CTNNA3: variants seen among roughly 807,000 people sequenced by gnomAD.
The protein encoded by CTNNA3 is catenin alpha 3, also known as catenin alpha-3.
Under a neutral mutation model 95.7 loss-of-function variants are expected in CTNNA3, and 76 were observed. The ratio of observed to expected loss-of-function variants is 0.79; its 90% CI spans 0.66 to 0.96. The LOEUF (loss-of-function observed/expected upper bound fraction) is 0.96. Ranked by LOEUF, CTNNA3 falls within the 40% of genes least tolerant of loss-of-function variation. CTNNA3 has a pLI of 0.00. For missense variants in CTNNA3, 1,191 were observed against 1,089.8 expected (o/e 1.09, Z -1.31); for synonymous variants, 431 against 374.4 (o/e 1.15, Z -1.74).
intron 12 of CTNNA3, among the ~76,000 whole-genome samples, chr10:66,361,832 C>T (rs2092678475): frequency 6.6e-6 from 1 of 152,054 alleles, no homozygotes; most frequent in South Asian, 2.1e-4. Flanking sequence ...GCCACCATGC[C>T]CAACCTAACC....
chr10:66,729,948 C>CA (rs993825751), intron 9 of CTNNA3, among the ~76,000 whole-genome samples: 13 of 149,674 alleles, frequency 8.7e-5, no homozygotes, highest in African/African-American at 2.0e-4. Flanking sequence ...ACTAAAAATA[C>CA]AAAAAAAATT....
Position 66,368,940 on chromosome 10 carries a change from G to A in CTNNA3, c.1732+10212C>T, listed in dbSNP as rs193178994. On this transcript the variant is annotated intron_variant, in intron 12 of 17. Coordinates refer to ENST00000433211, the MANE Select transcript of CTNNA3 (RefSeq NM_013266.4). ...ATATCTGGAATCTTAAAGAAATACT[G>A]CCAGCAGTGTTTATAATAAATGATA... Among the ~76,000 whole-genome samples the A allele has an allele frequency of 2.5e-3, 385 of 152,124 alleles. 1 individual carries two copies. Among genetic ancestry groups the A allele is most frequent in the African/African-American group, 8.8e-3 (366 of 41,518 alleles).
At chr10:67,131,333 C>A (rs1161302689) in intron 7 of CTNNA3, among the ~76,000 whole-genome samples, 1 of 151,918 alleles carries the variant, frequency 6.6e-6, no homozygotes, top group African/African-American at 2.4e-5. Context: ...AAAATGGAGA[C>A]AATAATAGCA....
At chr10:66,986,057 A>G (rs921775523) in intron 7 of CTNNA3, among the ~76,000 whole-genome samples, 2 of 152,068 alleles carry the variant, frequency 1.3e-5, no homozygotes, top group Non-Finnish European at 2.9e-5. Flanking sequence ...TTTGCATTGT[A>G]CTTACAATTT....
intron 13 of CTNNA3, among the ~76,000 whole-genome samples, chr10:66,184,743 T>A (rs2086240596): frequency 6.6e-6 from 1 of 152,192 alleles, no homozygotes; most frequent in Admixed American, 6.5e-5. Flanking sequence ...AGATATAAAA[T>A]TGTTATATCA....
At chr10:66,544,346 G>A (rs1303014189) in intron 10 of CTNNA3, among the ~76,000 whole-genome samples, 1 of 152,002 alleles carries the variant, frequency 6.6e-6, no homozygotes, top group Non-Finnish European at 1.5e-5. Flanking sequence ...CCTAAAGCTT[G>A]AGAAGACCTT....
chr10:66,483,784 C>T (rs935657296), intron 11 of CTNNA3, among the ~76,000 whole-genome samples: 27 of 152,090 alleles, frequency 1.8e-4, no homozygotes, highest in Non-Finnish European at 3.7e-4. Context: ...CTCATCCCCA[C>T]TCACCCTTAG....
At chr10:66,965,996 C>T (rs1287561851) in intron 7 of CTNNA3, among the ~76,000 whole-genome samples, 3 of 152,138 alleles carry the variant, frequency 2.0e-5, no homozygotes, top group Non-Finnish European at 4.4e-5. Flanking sequence ...ACCATAAAGG[C>T]AGTGTATAGA....
intron 13 of CTNNA3, among the ~76,000 whole-genome samples, chr10:66,168,982 C>T (rs1477766767): frequency 6.6e-6 from 1 of 152,140 alleles, no homozygotes; most frequent in African/African-American, 2.4e-5. Flanking sequence ...ACTTTTCCCT[C>T]ACCTCCTAAC....
chr10:66,861,058 A>G (rs956597908), intron 7 of CTNNA3, among the ~76,000 whole-genome samples: 4 of 152,202 alleles, frequency 2.6e-5, no homozygotes, highest in Non-Finnish European at 5.9e-5. Flanking sequence ...CTTCTTAAAC[A>G]TTCATATACA....
chr10:67,283,725 T>C (rs952124494), intron 5 of CTNNA3, among the ~76,000 whole-genome samples: 32 of 152,132 alleles, frequency 2.1e-4, no homozygotes, highest in Admixed American at 2.1e-3. Context: ...TTTAATAAAC[T>C]TTCACTCCTC....
intron 5 of CTNNA3, among the ~76,000 whole-genome samples, chr10:67,413,289 ATCAT>A (rs953432054): frequency 7.5e-6 from 1 of 133,300 alleles, no homozygotes; most frequent in Non-Finnish European, 1.6e-5. Context: ...TCATTCATTC[ATCAT>A]TCATTCATTC....
At chr10:67,258,473 T>C (rs1457315740) in intron 5 of CTNNA3, among the ~76,000 whole-genome samples, 1 of 152,148 alleles carries the variant, frequency 6.6e-6, no homozygotes, top group Non-Finnish European at 1.5e-5. Context: ...GTACTTGTCA[T>C]AATACCCAAA....
At chr10:66,531,598 T>TA (rs1278870390) in intron 10 of CTNNA3, among the ~76,000 whole-genome samples, 7 of 152,146 alleles carry the variant, frequency 4.6e-5, no homozygotes, top group Non-Finnish European at 7.4e-5. Flanking sequence ...TTTAGGGATT[T>TA]AAAAGAATAC....
chr10:67,511,309 TC>T (rs1839618871), intron 5 of CTNNA3, among the ~76,000 whole-genome samples: 1 of 152,202 alleles, frequency 6.6e-6, no homozygotes, highest in Middle Eastern at 3.2e-3. Context: ...TTTTGCCCAG[TC>T]AGTATGATAT....
At chr10:67,170,150 A>G (rs1861952491) in intron 7 of CTNNA3, among the ~76,000 whole-genome samples, 1 of 152,154 alleles carries the variant, frequency 6.6e-6, no homozygotes, top group African/African-American at 2.4e-5. Flanking sequence ...AGAGAAAAGG[A>G]AGCACTTATA....
At chr10:66,836,410 C>T (rs1469294934) in intron 7 of CTNNA3, among the ~76,000 whole-genome samples, 6 of 152,130 alleles carry the variant, frequency 3.9e-5, no homozygotes, top group South Asian at 4.1e-4. Context: ...AGATCCATTT[C>T]TCACAATAAA....
At chr10:66,556,455 A>T (rs12571432) in intron 10 of CTNNA3, among the ~76,000 whole-genome samples, 1 of 152,190 alleles carries the variant, frequency 6.6e-6, no homozygotes, top group Admixed American at 6.5e-5. Flanking sequence ...AGATATGGAA[A>T]CAACCTATGT....
chr10:67,151,949 CT>C (rs998997149), intron 7 of CTNNA3, among the ~76,000 whole-genome samples: 8 of 152,182 alleles, frequency 5.3e-5, no homozygotes, highest in African/African-American at 1.9e-4. Context: ...CAGTTTCCCC[CT>C]ATTCTGCCCT....
Sources: allele counts gnomAD v4.1 joint callset (sites outside exome capture counted in the v4.1 genomes callset), GRCh38; gene constraint gnomAD v4.1.1; transcripts MANE v1.5; gene names NCBI Gene and HGNC (gene_info 2026-07-23, HGNC 2026-07-21).